Variants in APOBEC3H observed in about 807,000 individuals in gnomAD.
APOBEC3H encodes the protein DNA dC->dU-editing enzyme APOBEC-3H.
APOBEC3H carries 8 observed loss-of-function variants against 21.2 expected under a neutral mutation model. The observed-to-expected ratio is 0.38, with a 90% CI of 0.22 to 0.68. The LOEUF (loss-of-function observed/expected upper bound fraction) is 0.68, where lower values mean the gene tolerates loss of function less well. Ranked by LOEUF, APOBEC3H falls within the 30% of genes least tolerant of loss-of-function variation. The pLI, the probability that APOBEC3H is intolerant of heterozygous loss-of-function variation, is 0.52. For missense variants in APOBEC3H, 229 were observed against 228.1 expected (o/e 1.00, Z -0.03); for synonymous variants, 88 against 91.0 (o/e 0.97, Z 0.19).
intron 1 of APOBEC3H, among the ~76,000 whole-genome samples, chr22:39,097,943 A>G (rs1929095571): frequency 6.6e-6 from 1 of 152,180 alleles, no homozygotes; most frequent in African/African-American, 2.4e-5. Context: ...CACGGAATAT[A>G]CGGAAAAACT....
At chr22:39,103,564 C>A in intron 4 of APOBEC3H, 125 bp from the exon 5 acceptor site, 4 of 962,714 alleles carry the variant, frequency 4.2e-6, no homozygotes, top group Admixed American at 1.8e-5. Flanking sequence ...TTTCTCCAGG[C>A]CTTCTGGGCC....
chr22:39,101,262 T>G lies in APOBEC3H; in HGVS notation c.176T>G (p.Phe59Cys), dbSNP rs1929305355. ...AAAAAGTGCCATGCAGAAATTTGCT[T>G]TATTAACGAGATCAAGTCCATGGGA... Reference protein sequence around the residue: ...NKKKCHAEICFINEIKSMGLD... With the variant: ...NKKKCHAEICCINEIKSMGLD... Residue 59 changes from phenylalanine (F) to cysteine (C), a missense_variant, in exon 3 of 5, where the codon TTT becomes TGT. By Grantham distance (205) the Phe-to-Cys change is radical (BLOSUM62 -2). Transcript: ENST00000442487. 1 of 1,612,980 alleles carries G rather than the reference T, an allele frequency of 6.2e-7. No individual in the cohort carries two copies. Among genetic ancestry groups the G allele is most frequent in the Non-Finnish European group, 8.5e-7 (1 of 1,179,642 alleles).
intron 4 of APOBEC3H, among the ~76,000 whole-genome samples, chr22:39,103,066 C>T (rs1339763556): frequency 6.6e-6 from 1 of 151,372 alleles, no homozygotes; most frequent in Non-Finnish European, 1.5e-5. Context: ...GCGGGTGGAT[C>T]ACTTGAGCCC....
rs202012802 is a variant in APOBEC3H, at chr22:39,100,400, C to A, written c.122C>A (p.Thr41Lys). The change falls in exon 2 of 5, where the codon ACG (threonine) becomes AAG (lysine). Residue 41 changes from threonine to lysine, a missense_variant. Transcript: ENST00000442487. Reference sequence around the variant, plus strand: ...CAGCTGACGCCGCAGAATGGCTCCACGCCCACGAGAGGCTACTTTGAAAAC... The same window carrying A: ...CAGCTGACGCCGCAGAATGGCTCCAAGCCCACGAGAGGCTACTTTGAAAAC... ...CYQLTPQNGS[T>K]PTRGYFENKK... 1.2e-5 allele frequency: 19 copies of A among 1,613,946 alleles called. No individual in the cohort carries two copies. The highest frequency in any genetic ancestry group is 1.7e-5 in the Admixed American group (1 of 59,998).
chr22:39,100,587 C>G (rs1929256441), intron 2 of APOBEC3H, 159 bp downstream of exon 2: 3 of 1,050,446 alleles, frequency 2.9e-6, no homozygotes, highest in South Asian at 3.4e-5. Flanking sequence ...TTTGGCTTAG[C>G]TGGATCTGAG....
Position 39,103,780 on chromosome 22 carries a change from G to A in APOBEC3H, c.*83G>A. 6.4e-7 allele frequency: 1 copy of A among 1,552,802 alleles called. No individual in the cohort carries two copies. The highest frequency in any genetic ancestry group is 2.2e-5 in the East Asian group (1 of 44,614). On this transcript the variant is annotated 3_prime_UTR_variant, in exon 5 of 5. Coordinates refer to ENST00000442487, the MANE Select transcript of APOBEC3H (RefSeq NM_181773.5). The stretch of plus-strand genomic sequence containing the variant: ...TCATTATCAAGAAGCAACTCAAGAT[G>A]ACTTTCCCTGGGGCATGTCAGTTGC...
In APOBEC3H at chr22:39,101,338, C is replaced by T. The variant is rs747997711; in HGVS notation, c.252C>T (p.Pro84=). ...TCACCTGTTACCTCACGTGGAGCCC[C>T]TGCTCCTCCTGTGCCTGGGAGCTGG... ...YQVTCYLTWS[P]CSSCAWELVD... is the part of the protein sequence containing the mutation. The change falls in exon 3 of 5, where the codon CCC becomes CCT. Residue 84 remains proline (P), a synonymous_variant. Transcript: ENST00000442487. 5.0e-6 allele frequency: 8 copies of T among 1,613,350 alleles called. 1 individual carries two copies. In the South Asian group the frequency reaches 5.5e-5, roughly 11 times the overall value.
At chr22:39,099,604 G>A (rs6519169) in intron 1 of APOBEC3H, among the ~76,000 whole-genome samples, 2 of 152,188 alleles carry the variant, frequency 1.3e-5, no homozygotes, top group African/African-American at 4.8e-5. Context: ...AGCCAGAAAG[G>A]CACACCCACA....
At chr22:39,097,741 T>C (rs146299235) in intron 1 of APOBEC3H, among the ~76,000 whole-genome samples, 1 of 152,322 alleles carries the variant, frequency 6.6e-6, no homozygotes. Context: ...ATGAACTTTG[T>C]GTAAGATTAC....
chr22:39,099,879 AG>A (rs1420211945), intron 1 of APOBEC3H, among the ~76,000 whole-genome samples: 5 of 152,170 alleles, frequency 3.3e-5, no homozygotes, highest in African/African-American at 1.2e-4. Flanking sequence ...ATGAACAGAA[AG>A]GGTTGGGTTT....
intron 1 of APOBEC3H, among the ~76,000 whole-genome samples, chr22:39,098,790 T>A (rs1929139758): frequency 1.3e-5 from 2 of 152,032 alleles, no homozygotes; most frequent in South Asian, 4.1e-4. Context: ...AGGCTTGAAA[T>A]GCTCAGGGGT....
At position 39,102,036 on chromosome 22, in the gene APOBEC3H, G is replaced by A. The variant is rs751331393; in HGVS notation, c.537G>A (p.Arg179=). 1 of 1,613,648 alleles carries A rather than the reference G, an allele frequency of 6.2e-7. No individual in the cohort carries two copies. The highest frequency in any genetic ancestry group is 8.5e-7 in the Non-Finnish European group (1 of 1,179,782). The part of the protein sequence containing the change: ...NSRAIKRRLE[R]IKQS ...GAGCCATAAAGCGACGGCTTGAGAGGATAAAGGTGAGGCACTGTCCTGCCT... is the reference window on the plus strand; with the variant it reads ...GAGCCATAAAGCGACGGCTTGAGAGAATAAAGGTGAGGCACTGTCCTGCCT... Residue 179 remains arginine, a synonymous_variant, in exon 4 of 5, where the codon AGG becomes AGA. Coordinates refer to ENST00000442487, the MANE Select transcript of APOBEC3H (RefSeq NM_181773.5).
intron 2 of APOBEC3H, 125 bp downstream of exon 2, chr22:39,100,553 G>A (rs562393870): frequency 1.2e-5 from 15 of 1,304,140 alleles, no homozygotes; most frequent in Admixed American, 5.2e-5. Context: ...CTGTGTTTTC[G>A]TAACCCTTGG....
chr22:39,100,575 G>A (rs1929255831), intron 2 of APOBEC3H, 147 bp downstream of exon 2: 3 of 1,157,316 alleles, frequency 2.6e-6, no homozygotes, highest in East Asian at 2.6e-5. Flanking sequence ...GCCTGCCTGG[G>A]TTTTGGCTTA....
intron 4 of APOBEC3H, chr22:39,102,524 C>T (rs760695961): frequency 1.3e-5 from 9 of 718,258 alleles, no homozygotes; most frequent in African/African-American, 7.0e-5. Context: ...TCCAGGGGTA[C>T]GTGCGCAGGG....
In APOBEC3H at chr22:39,100,317, TAAC is replaced by T. The variant is rs139292; in HGVS notation, c.45_47del (p.Asn15del). ...CAGCCGAAACATTCCGCTTACAGTT[TAAC>T]AACAAGCGCCGCCTCAGAAGGCCTT... On this transcript the variant is annotated inframe_deletion, in exon 2 of 5. Coordinates refer to ENST00000442487, the MANE Select transcript of APOBEC3H (RefSeq NM_181773.5). 537,432 of 1,612,182 alleles carry T rather than the reference TAAC, an allele frequency of 0.33. 91,344 individuals are homozygous for T. The highest frequency in any genetic ancestry group is 0.44 in the South Asian group (40,006 of 90,938).
Position 39,100,233 on chromosome 22 carries a change from G to T in APOBEC3H, c.-7-39G>T, listed in dbSNP as rs749450180. ...TGAGCCTGGGGTGACTCAAGAGGAC[G>T]CTCCCTTCATCTTTGGTTTTCCCCT... On this transcript the variant is annotated intron_variant, in intron 1 of 4. Coordinates refer to ENST00000442487, the MANE Select transcript of APOBEC3H (RefSeq NM_181773.5). 7 of 1,593,284 alleles carry T rather than the reference G, an allele frequency of 4.4e-6. No individual in the cohort carries two copies. In the South Asian group the frequency reaches 7.7e-5, roughly 18 times the overall value.
chr22:39,102,137 C>A, intron 4 of APOBEC3H, 95 bp downstream of exon 4: 2 of 1,478,848 alleles, frequency 1.4e-6, no homozygotes, highest in South Asian at 1.4e-5. Flanking sequence ...TTACCCCTAC[C>A]TTTTTTTCTT....
intron 1 of APOBEC3H, among the ~76,000 whole-genome samples, chr22:39,099,653 T>G (rs1217212716): frequency 6.6e-6 from 1 of 152,058 alleles, no homozygotes; most frequent in African/African-American, 2.4e-5. Context: ...CCAGGAAGAA[T>G]AGTGACGAGG....
Sources: gnomAD v4.1 joint callset for allele counts (sites outside exome capture counted in the v4.1 genomes callset) on GRCh38, gnomAD v4.1.1 for gene constraint, MANE v1.5 for transcripts, NCBI Gene and HGNC (gene_info 2026-07-23, HGNC 2026-07-21) for gene names.